Variants in DNHD1 observed in about 807,000 individuals in gnomAD.
DNHD1 encodes dynein heavy chain domain-containing protein 1.
Under a neutral mutation model 458.1 loss-of-function variants are expected in DNHD1, and 383 were observed. The observed-to-expected ratio is 0.84, with a 90% CI of 0.77 to 0.91. DNHD1 has a LOEUF of 0.91. Among genes scored for constraint, DNHD1 ranks in the 40% least tolerant of loss-of-function variants. DNHD1 has a pLI of 0.00. For synonymous variants in DNHD1, 2,203 were observed against 2,376.9 expected (o/e 0.93, Z 2.13); for missense variants, 5,336 against 5,866.1 (o/e 0.91, Z 2.95).
chr11:6,546,355 G>C lies in DNHD1; in HGVS notation c.5416G>C (p.Val1806Leu). The C allele has an allele frequency of 6.4e-7, 1 of 1,552,278 alleles. No homozygotes were observed. Among genetic ancestry groups the C allele is most frequent in the Middle Eastern group, 1.7e-4 (1 of 5,996 alleles). The change falls in exon 21 of 43, where the codon GTA becomes CTA. Residue 1806 changes from valine to leucine, a missense_variant. Around this residue, in one of 4 missense-constraint regions of DNHD1, gnomAD observed 3,932 missense variants for 4,365.6 expected, o/e 0.90. Transcript: ENST00000254579. Reference protein sequence around the residue: ...SVRLGYGCLLVLRALSSAVPA... With the variant: ...SVRLGYGCLLLLRALSSAVPA... ...GCGCCTTGGCTATGGCTGTCTCCTGGTACTGCGTGCCCTGAGCTCTGCTGT... is the reference window on the plus strand; with the variant it reads ...GCGCCTTGGCTATGGCTGTCTCCTGCTACTGCGTGCCCTGAGCTCTGCTGT...
chr11:6,515,179 ACATTCAAAT>A (rs967197574), intron 7 of DNHD1, among the ~76,000 whole-genome samples: 7 of 152,346 alleles, frequency 4.6e-5, no homozygotes, highest in Non-Finnish European at 8.8e-5. Context: ...TTTGGGAGAC[ACATTCAAAT>A]CATTCAAATC....
intron 40 of DNHD1, 33 bp downstream of exon 40, chr11:6,570,133 A>G (rs1853807640): frequency 6.2e-7 from 1 of 1,612,464 alleles, no homozygotes; most frequent in African/African-American, 1.3e-5. Context: ...TGGAGTCATC[A>G]GCCCCCAGGA....
At position 6,546,753 on chromosome 11, in the gene DNHD1, C is replaced by T. The variant is rs561752875; in HGVS notation, c.5814C>T (p.Ser1938=). ...GGCTGTTGTGTGCGCTTTTCCCTAG[C>T]GCCAGCCAAGTGCTGGCAGAACCTA... ...LRGLLCALFP[S]ASQVLAEPMT... Residue 1938 remains serine (S), a synonymous_variant, in exon 21 of 43, where the codon AGC becomes AGT. Transcript: ENST00000254579. 9.0e-6 allele frequency: 14 copies of T among 1,551,772 alleles called. No individual in the cohort carries two copies. Among genetic ancestry groups the T allele is most frequent in the Admixed American group, 3.9e-5 (2 of 51,010 alleles).
chr11:6,567,534 C>T lies in DNHD1; in HGVS notation c.12025C>T (p.His4009Tyr). The change falls in exon 36 of 43, where the codon CAC becomes TAC. Residue 4009 changes from histidine to tyrosine, a missense_variant. Coordinates refer to ENST00000254579, the MANE Select transcript of DNHD1 (RefSeq NM_144666.3). ...FVGLCASLAG[H>Y]SSAWQAYLSL... ...TGGCCTGTGTGCCTCCCTGGCAGGCCACTCCAGTGCTTGGCAGGCTTACCT... is the reference window on the plus strand; with the variant it reads ...TGGCCTGTGTGCCTCCCTGGCAGGCTACTCCAGTGCTTGGCAGGCTTACCT... 1 of 1,613,334 alleles carries T rather than the reference C, an allele frequency of 6.2e-7. No homozygotes were observed. Among genetic ancestry groups the T allele is most frequent in the East Asian group, 2.2e-5 (1 of 44,864 alleles).
chr11:6,534,283 G>T, intron 14 of DNHD1, 110 bp downstream of exon 14: 1 of 1,115,486 alleles, frequency 9.0e-7, no homozygotes. Context: ...GCAAGCCTTG[G>T]GAATCACACA....
chr11:6,501,835 A>G (rs1852142980), intron 3 of DNHD1, among the ~76,000 whole-genome samples: 1 of 152,190 alleles, frequency 6.6e-6, no homozygotes, highest in African/African-American at 2.4e-5. Flanking sequence ...AAATGAACCT[A>G]TAAGAGCAAT....
chr11:6,507,680 T>G (rs764760021), intron 4 of DNHD1, among the ~76,000 whole-genome samples: 1 of 151,900 alleles, frequency 6.6e-6, no homozygotes, highest in Non-Finnish European at 1.5e-5. Context: ...TCAGTTAACA[T>G]AGGCAGCTAC....
intron 4 of DNHD1, 184 bp from the exon 5 acceptor site, chr11:6,508,696 T>C: frequency 1.7e-6 from 1 of 604,020 alleles, no homozygotes; most frequent in South Asian, 2.2e-5. Context: ...TGGCTTCGGT[T>C]TCTTCTTAAT....
Position 6,564,772 on chromosome 11 carries a change from G to T in DNHD1, c.10724G>T (p.Arg3575Leu). The T allele has an allele frequency of 1.3e-6, 2 of 1,537,848 alleles. No individual in the cohort carries two copies. The highest frequency in any genetic ancestry group is 2.5e-5 in the East Asian group (1 of 40,532). ...GACCCGCTGCCTCTGGAAGAGAATC[G>T]ATCTTTTGCGCCAGCCCTCACTGAG... The part of the protein sequence containing the change: ...WLDPLPLEEN[R>L]SFAPALTEGR... The change falls in exon 32 of 43, where the codon CGA becomes CTA. Residue 3575 changes from arginine to leucine, a missense_variant. Arg to Leu is a moderately radical substitution (Grantham distance 102, BLOSUM62 -2). Around this residue, in one of 4 missense-constraint regions of DNHD1, gnomAD observed 695 missense variants for 804.2 expected, o/e 0.86. Coordinates refer to ENST00000254579, the MANE Select transcript of DNHD1 (RefSeq NM_144666.3).
At position 6,557,716 on chromosome 11, in the gene DNHD1, G is replaced by A; in HGVS notation, c.8421G>A (p.Val2807=). ...MDLISPLLLP[V]LLLHPQEKPS... is the part of the protein sequence containing the mutation. ...TGATCTCACCCTTGTTGTTACCAGT[G>A]TTACTACTACATCCCCAGGAAAAGC... is the stretch of plus-strand genomic sequence containing the variant. Residue 2807 remains valine, a synonymous_variant, in exon 25 of 43, where the codon GTG becomes GTA. Transcript: ENST00000254579. The A allele has an allele frequency of 1.9e-6, 3 of 1,551,756 alleles. No individual in the cohort carries two copies. The highest frequency in any genetic ancestry group is 2.6e-6 in the Non-Finnish European group (3 of 1,147,012).
In DNHD1 at chr11:6,557,985, G is replaced by A. The variant is rs760194825; in HGVS notation, c.8690G>A (p.Arg2897His). 12 of 1,551,542 alleles carry A rather than the reference G, an allele frequency of 7.7e-6. No homozygotes were observed. The highest frequency in any genetic ancestry group is 5.9e-5 in the Admixed American group (3 of 50,994). The part of the protein sequence containing the change: ...LLLSGALGTG[R>H]HTAITLASSI... ...CTCTCGGGGGCTCTGGGTACTGGGCGCCACACTGCCATCACTCTGGCTTCT... is the reference window on the plus strand; with the variant it reads ...CTCTCGGGGGCTCTGGGTACTGGGCACCACACTGCCATCACTCTGGCTTCT... Residue 2897 changes from arginine (R) to histidine (H), a missense_variant, in exon 25 of 43, where the codon CGC becomes CAC. Arg to His is a conservative substitution (Grantham distance 29). This residue lies in a region of DNHD1 where 3,932 missense variants were observed against 4,365.6 expected (regional missense o/e 0.90). Transcript: ENST00000254579.
chr11:6,503,711 C>T (rs1300280277), intron 4 of DNHD1: 1 of 152,162 alleles, frequency 6.6e-6, no homozygotes, highest in Non-Finnish European at 1.5e-5. Context: ...TGGTCTCAAA[C>T]TCCTGGGTTC....
chr11:6,571,516 G>A lies in DNHD1; in HGVS notation c.13911+93G>A, dbSNP rs977684528. The A allele has an allele frequency of 1.3e-5, 19 of 1,463,372 alleles. No individual in the cohort carries two copies. The African/African-American group carries it at 1.6e-4, about 12-fold the overall frequency. The allele number at this position is 1,463,372 out of a possible 1,614,324, so 90.6% of individuals were successfully genotyped here. ...ACCCCTTCTTGGTGATCTTGCCCCCGGTAACCCTGCTAGCTTCTCCGATCT... is the reference window on the plus strand; with the variant it reads ...ACCCCTTCTTGGTGATCTTGCCCCCAGTAACCCTGCTAGCTTCTCCGATCT... On this transcript the variant is annotated intron_variant, in intron 42 of 42. Coordinates refer to ENST00000254579, the MANE Select transcript of DNHD1 (RefSeq NM_144666.3). This position sits in a 1 kb window ranked among gnomAD's most constrained non-coding sequence, Gnocchi z 5.0.
intron 12 of DNHD1, among the ~76,000 whole-genome samples, chr11:6,532,377 G>A (rs1852843582): frequency 6.6e-6 from 1 of 152,036 alleles, no homozygotes; most frequent in Non-Finnish European, 1.5e-5. Flanking sequence ...TACTGCCAAG[G>A]GCAGCTTCCA....
Position 6,547,321 on chromosome 11 carries a change from G to T in DNHD1, c.6382G>T (p.Val2128Leu), listed in dbSNP as rs1853243416. 4 of 1,551,674 alleles carry T rather than the reference G, an allele frequency of 2.6e-6. No individual in the cohort carries two copies. Among genetic ancestry groups the T allele is most frequent in the South Asian group, 1.2e-5 (1 of 84,062 alleles). The change falls in exon 21 of 43, where the codon GTG becomes TTG. Residue 2128 changes from valine to leucine, a missense_variant. Around this residue, in one of 4 missense-constraint regions of DNHD1, gnomAD observed 3,932 missense variants for 4,365.6 expected, o/e 0.90. Transcript: ENST00000254579. ...RPPGTFLLMEVADTTGISPTV... is the reference protein window; with the variant it reads ...RPPGTFLLMELADTTGISPTV... ...CCCAGGCACCTTTCTCTTGATGGAG[G>T]TGGCTGACACAACAGGCATATCCCC...
rs1308593030 is a variant in DNHD1, at chr11:6,539,935, G to A, written c.3480G>A (p.Arg1160=). The A allele has an allele frequency of 6.4e-7, 1 of 1,551,750 alleles. No individual in the cohort carries two copies. Among genetic ancestry groups the A allele is most frequent in the Admixed American group, 2.0e-5 (1 of 51,018 alleles). ...HAQETIRRLQ[R]YWEARQLRLL... The stretch of plus-strand genomic sequence containing the variant: ...AAGAGACTATACGGCGGTTGCAGCG[G>A]TACTGGGAAGCGCGCCAGCTGCGCC... Residue 1160 remains arginine (R), a synonymous_variant, in exon 18 of 43, where the codon CGG becomes CGA. Coordinates refer to ENST00000254579, the MANE Select transcript of DNHD1 (RefSeq NM_144666.3).
chr11:6,546,288 G>C lies in DNHD1; in HGVS notation c.5349G>C (p.Gln1783His). 1 of 1,552,392 alleles carries C rather than the reference G, an allele frequency of 6.4e-7. No individual in the cohort carries two copies. Among genetic ancestry groups the C allele is most frequent in the South Asian group, 1.2e-5 (1 of 84,064 alleles). The change falls in exon 21 of 43, where the codon CAG (glutamine) becomes CAC (histidine). Residue 1783 changes from glutamine to histidine, a missense_variant. This residue lies in a region of DNHD1 where 3,932 missense variants were observed against 4,365.6 expected (regional missense o/e 0.90). Coordinates refer to ENST00000254579, the MANE Select transcript of DNHD1 (RefSeq NM_144666.3). ...GCACCATAGACCCCACCCAGCCCCA[G>C]CTCCTTGGCAGTAGCTTCTTTGAAA... Reference protein sequence around the residue: ...NTSTIDPTQPQLLGSSFFEKH... With the variant: ...NTSTIDPTQPHLLGSSFFEKH...
intron 7 of DNHD1, among the ~76,000 whole-genome samples, chr11:6,512,606 C>T (rs561656492): frequency 1.3e-5 from 2 of 152,152 alleles, no homozygotes; most frequent in African/African-American, 4.8e-5. Flanking sequence ...TAAAAATACC[C>T]GTAATAAAAC....
At position 6,540,039 on chromosome 11, in the gene DNHD1, A is replaced by G; in HGVS notation, c.3584A>G (p.Gln1195Arg). 6.4e-7 allele frequency: 1 copy of G among 1,551,592 alleles called. No individual in the cohort carries two copies. Among genetic ancestry groups the G allele is most frequent in the South Asian group, 1.2e-5 (1 of 84,064 alleles). ...RSKRQVLRSP[Q>R]WEVVDKDSGT... is the part of the protein sequence containing the mutation. Reference sequence around the variant, plus strand: ...AAGAGGCAGGTGCTCCGCAGCCCCCAATGGGAGGTAGTGGACAAAGATAGT... The same window carrying G: ...AAGAGGCAGGTGCTCCGCAGCCCCCGATGGGAGGTAGTGGACAAAGATAGT... The change falls in exon 18 of 43, where the codon CAA (glutamine) becomes CGA (arginine). Residue 1195 changes from glutamine (Q) to arginine (R), a missense_variant. Gln to Arg is a conservative substitution (Grantham distance 43). Around this residue, in one of 4 missense-constraint regions of DNHD1, gnomAD observed 3,932 missense variants for 4,365.6 expected, o/e 0.90. Transcript: ENST00000254579.
Sources: allele counts gnomAD v4.1 joint callset (sites outside exome capture counted in the v4.1 genomes callset), GRCh38; gene constraint gnomAD v4.1.1; regional missense constraint gnomAD v4.1.1; non-coding constraint Gnocchi (gnomAD v3.1); transcripts MANE v1.5; gene names NCBI Gene and HGNC (gene_info 2026-07-23, HGNC 2026-07-21).